The following ZNF704 variants were observed in gnomAD, a reference collection of about 807,000 sequenced individuals.
ZNF704 encodes the protein glucocorticoid induced gene 1.
In ZNF704, 10 loss-of-function variants were observed where a neutral mutation model predicts 44.7. The observed-to-expected ratio is 0.22, with a 90% confidence interval of 0.14 to 0.38. The LOEUF is 0.38. ZNF704 is among the 10% of genes least tolerant of loss of function. ZNF704 has a pLI of 1.00. For synonymous variants in ZNF704, 211 were observed against 207.6 expected (o/e 1.02, Z -0.14); for missense variants, 390 against 545.5 (o/e 0.71, Z 2.84).
intron 1 of ZNF704, among the ~76,000 whole-genome samples, chr8:80,854,577 T>C (rs182732146): frequency 1.3e-5 from 2 of 152,316 alleles, no homozygotes; most frequent in East Asian, 3.9e-4. Context: ...CCATTTCTCT[T>C]TATATAAACT....
intron 1 of ZNF704, among the ~76,000 whole-genome samples, chr8:80,867,714 T>A (rs1809180028): frequency 6.6e-6 from 1 of 152,204 alleles, no homozygotes. Flanking sequence ...CAGTGTTTGC[T>A]GCACAGTTCC....
intron 1 of ZNF704, among the ~76,000 whole-genome samples, chr8:80,824,333 G>C (rs1563566751): frequency 1.3e-5 from 2 of 152,290 alleles, no homozygotes; most frequent in East Asian, 1.9e-4. Flanking sequence ...ATCAGTGATT[G>C]AAGCTCAAAT....
chr8:80,838,217 C>G (rs1343381262), intron 1 of ZNF704, among the ~76,000 whole-genome samples: 2 of 152,148 alleles, frequency 1.3e-5, no homozygotes, highest in Non-Finnish European at 2.9e-5. Context: ...TGCAGCTGGC[C>G]TGGGAATCAA....
chr8:80,659,192 A>G (rs927321527), intron 7 of ZNF704, among the ~76,000 whole-genome samples: 16 of 152,236 alleles, frequency 1.1e-4, no homozygotes, highest in African/African-American at 3.9e-4. Context: ...TCAAAATGAC[A>G]TACGTACAGA....
intron 1 of ZNF704, among the ~76,000 whole-genome samples, chr8:80,822,709 T>C (rs963238539): frequency 6.6e-6 from 1 of 152,170 alleles, no homozygotes; most frequent in South Asian, 2.1e-4. Flanking sequence ...CCAGCACCTG[T>C]TGTTTCCTGA....
intron 1 of ZNF704, among the ~76,000 whole-genome samples, chr8:80,826,579 C>T (rs1291684864): frequency 2.0e-5 from 3 of 152,170 alleles, no homozygotes; most frequent in Non-Finnish European, 4.4e-5. Flanking sequence ...TTTTATGAGG[C>T]CAGCATCATC....
chr8:80,787,472 C>T (rs530064113), intron 2 of ZNF704, among the ~76,000 whole-genome samples: 169 of 152,298 alleles, frequency 1.1e-3, no homozygotes, highest in Admixed American at 1.8e-3. Flanking sequence ...TTTTAATAAA[C>T]ACAACCCAAC....
At chr8:80,751,608 A>C (rs961315103) in intron 2 of ZNF704, among the ~76,000 whole-genome samples, 1 of 152,208 alleles carries the variant, frequency 6.6e-6, no homozygotes, top group East Asian at 1.9e-4. Context: ...TTCCCAATCA[A>C]TGGAATCTAA....
rs557606551 is a variant in ZNF704 at position 80,832,375 on chromosome 8, G to A, written c.-21-10760C>T. On this transcript the variant is annotated intron_variant, in intron 1 of 8. Coordinates refer to ENST00000327835, the MANE Select transcript of ZNF704 (RefSeq NM_001033723.3). ...GTTTCCACAGGAAGATCATAACGGC[G>A]CATCAGAAAAGAGAATGTCTCTGAC... Among the ~76,000 whole-genome samples, 557 of 152,192 alleles carry A rather than the reference G, an allele frequency of 3.7e-3. 1 individual carries two copies. Among genetic ancestry groups the A allele is most frequent in the Non-Finnish European group, 6.4e-3 (433 of 67,996 alleles).
At chr8:80,796,415 T>G (rs956230029) in intron 2 of ZNF704, among the ~76,000 whole-genome samples, 2 of 152,314 alleles carry the variant, frequency 1.3e-5, no homozygotes, top group Admixed American at 1.3e-4. Flanking sequence ...CACTATCATC[T>G]CTTAAAGAGA....
At chr8:80,791,961 A>G (rs1196551877) in intron 2 of ZNF704, among the ~76,000 whole-genome samples, 1 of 152,220 alleles carries the variant, frequency 6.6e-6, no homozygotes, top group African/African-American at 2.4e-5. Flanking sequence ...CTGACTCTTG[A>G]GAGCAGGTGA....
chr8:80,673,490 T>C (rs2131618150), intron 4 of ZNF704, among the ~76,000 whole-genome samples: 2 of 152,320 alleles, frequency 1.3e-5, no homozygotes, highest in African/African-American at 4.8e-5. Flanking sequence ...ACAGCAGTGG[T>C]GGCATCTTTC....
At chr8:80,662,065 G>A (rs1455385067) in intron 6 of ZNF704, among the ~76,000 whole-genome samples, 5 of 152,080 alleles carry the variant, frequency 3.3e-5, no homozygotes, top group Admixed American at 1.3e-4. Context: ...CCACAAATAC[G>A]TATAAATATT....
At chr8:80,676,573 A>G (rs943085104) in intron 4 of ZNF704, among the ~76,000 whole-genome samples, 3 of 152,246 alleles carry the variant, frequency 2.0e-5, no homozygotes. Flanking sequence ...TAATTTTTCA[A>G]TGAGGCAGGA....
At chr8:80,740,799 G>T (rs1432504973) in intron 2 of ZNF704, among the ~76,000 whole-genome samples, 1 of 152,166 alleles carries the variant, frequency 6.6e-6, no homozygotes, top group East Asian at 1.9e-4. Context: ...AAGGGTTCAG[G>T]GATAGCCCCC....
chr8:80,695,319 T>A (rs1818708404), intron 2 of ZNF704, among the ~76,000 whole-genome samples: 1 of 152,238 alleles, frequency 6.6e-6, no homozygotes, highest in South Asian at 2.1e-4. Context: ...GGGGCACACC[T>A]GAGCTGGCTG....
At chr8:80,645,753 T>C (rs1817820871) in intron 7 of ZNF704, among the ~76,000 whole-genome samples, 1 of 152,236 alleles carries the variant, frequency 6.6e-6, no homozygotes, top group African/African-American at 2.4e-5. Context: ...TAAACCTCTT[T>C]TCTTTATAAC....
chr8:80,821,015 G>T (rs1808260585), intron 2 of ZNF704, among the ~76,000 whole-genome samples: 1 of 152,180 alleles, frequency 6.6e-6, no homozygotes, highest in Non-Finnish European at 1.5e-5. Flanking sequence ...TCTGACCAAA[G>T]ATCTGTGTAC....
chr8:80,691,995 C>G (rs1818645944), intron 3 of ZNF704, among the ~76,000 whole-genome samples: 1 of 152,038 alleles, frequency 6.6e-6, no homozygotes, highest in Non-Finnish European at 1.5e-5. Flanking sequence ...TATGTCGTAT[C>G]TACCTGCACT....
Sources: gnomAD v4.1 joint callset for allele counts (sites outside exome capture counted in the v4.1 genomes callset) on GRCh38, gnomAD v4.1.1 for gene constraint, MANE v1.5 for transcripts, NCBI Gene and HGNC (gene_info 2026-07-23, HGNC 2026-07-21) for gene names.